RFX6: variants seen among roughly 807,000 people sequenced by gnomAD.
RFX6 encodes the protein regulatory factor X6, also known as DNA-binding protein RFX6.
Under a neutral mutation model 110.8 loss-of-function variants are expected in RFX6, and 50 were observed. The ratio of observed to expected loss-of-function variants is 0.45; its 90% CI spans 0.36 to 0.57. The LOEUF is 0.57. Ranked by LOEUF, RFX6 falls within the 20% of genes least tolerant of loss-of-function variation. The probability of loss-of-function intolerance (pLI) is 0.00; values close to 1 mark genes in which losing one functional copy is unlikely to be tolerated. For missense variants in RFX6, 990 were observed against 1,127.0 expected, an observed-to-expected ratio of 0.88 and a Z score of 1.74; for synonymous variants, 383 against 411.2, an observed-to-expected ratio of 0.93 and a Z score of 0.83.
intron 6 of RFX6, among the ~76,000 whole-genome samples, chr6:116,901,283 C>T (rs899321507): frequency 6.6e-6 from 1 of 152,130 alleles, no homozygotes; most frequent in African/African-American, 2.4e-5. Flanking sequence ...CACTGTATGA[C>T]AGAGAATTAA....
At chr6:116,882,680 C>T (rs1173506059) in intron 4 of RFX6, among the ~76,000 whole-genome samples, 1 of 151,876 alleles carries the variant, frequency 6.6e-6, no homozygotes, top group African/African-American at 2.4e-5. Flanking sequence ...TTTTCATAAT[C>T]TTAAAGCTGT....
At chr6:116,928,718 G>A in intron 17 of RFX6, 41 bp from the exon 18 acceptor site, 2 of 1,437,566 alleles carry the variant, frequency 1.4e-6, no homozygotes, top group East Asian at 2.3e-5. Flanking sequence ...AAAGTTCTTT[G>A]TAGTAAGTTA....
At chr6:116,924,565 G>A (rs879160306) in intron 14 of RFX6, 104 bp from the exon 15 acceptor site, 26 of 1,054,072 alleles carry the variant, frequency 2.5e-5, no homozygotes, top group South Asian at 2.2e-4. Flanking sequence ...AAAGTGTTGC[G>A]AGATGGTCAC....
intron 5 of RFX6, 117 bp from the exon 6 acceptor site, chr6:116,895,063 C>T: frequency 1.8e-5 from 10 of 562,490 alleles, no homozygotes; most frequent in East Asian, 2.9e-5. Flanking sequence ...CAAATTTCTC[C>T]AGCTTATTTC....
chr6:116,895,644 G>GTACA (rs1774927796), intron 6 of RFX6, among the ~76,000 whole-genome samples: 2 of 115,446 alleles, frequency 1.7e-5, no homozygotes, highest in African/African-American at 6.5e-5. Flanking sequence ...ACTACTTTGT[G>GTACA]TACACACACA....
chr6:116,927,130 G>C lies in RFX6; in HGVS notation c.1989G>C (p.Gly663=), dbSNP rs779981290. ...GSVINQGPMA[G]RPPSVGPVLS... Reference sequence around the variant, plus strand: ...TCATTAACCAAGGACCAATGGCAGGGAGGCCCCCAAGTGTGGGCCCAGTAC... The same window carrying C: ...TCATTAACCAAGGACCAATGGCAGGCAGGCCCCCAAGTGTGGGCCCAGTAC... Residue 663 remains glycine, a synonymous_variant, in exon 17 of 19, where the codon GGG becomes GGC. Transcript: ENST00000332958. The C allele has an allele frequency of 1.5e-5, 24 of 1,614,078 alleles. No homozygotes were observed. The highest frequency in any genetic ancestry group is 1.9e-5 in the Non-Finnish European group (23 of 1,179,962).
chr6:116,892,809 A>G (rs1304870279), intron 4 of RFX6, among the ~76,000 whole-genome samples: 6 of 152,192 alleles, frequency 3.9e-5, no homozygotes, highest in Admixed American at 3.9e-4. Context: ...TTCATATGGT[A>G]TGTAGGCTTC....
chr6:116,909,725 T>C (rs1167219499), intron 6 of RFX6, among the ~76,000 whole-genome samples: 1 of 140,330 alleles, frequency 7.1e-6, no homozygotes, highest in Non-Finnish European at 1.5e-5. Flanking sequence ...AATATAAAGC[T>C]CATTTAAATC....
chr6:116,931,781 C>A lies in RFX6; in HGVS notation c.*275C>A, dbSNP rs1005635838. The A allele has an allele frequency of 2.5e-4, 82 of 327,318 alleles. No homozygotes were observed. Among genetic ancestry groups the A allele is most frequent in the Admixed American group, 1.4e-3 (32 of 22,244 alleles). The allele number at this position is 327,318 out of a possible 1,614,324, so 20.3% of individuals were successfully genotyped here. A position where few individuals can be genotyped will look rare whatever the true frequency, so the allele number is the denominator to read the frequency against. ...TGAAGATCTGAAGATGCAAACATTT[C>A]AACTATGAAGATTTACATTTCACTT... On this transcript the variant is annotated 3_prime_UTR_variant, in exon 19 of 19. Transcript: ENST00000332958.
At chr6:116,926,088 G>A (rs1486484685) in intron 16 of RFX6, among the ~76,000 whole-genome samples, 5 of 152,190 alleles carry the variant, frequency 3.3e-5, no homozygotes, top group African/African-American at 9.6e-5. Context: ...AGGCCGAGGC[G>A]AGCAGAGCAC....
Position 116,931,576 on chromosome 6 carries a change from C to A in RFX6, c.*70C>A. The stretch of plus-strand genomic sequence containing the variant: ...TACTGTGCAAATATCATTATTCACT[C>A]AGACTTCCATAAGAGTAAATAAAAA... On this transcript the variant is annotated 3_prime_UTR_variant, in exon 19 of 19. Transcript: ENST00000332958. 8.9e-7 allele frequency: 1 copy of A among 1,123,970 alleles called. No individual in the cohort carries two copies. Among genetic ancestry groups the A allele is most frequent in the Non-Finnish European group, 1.3e-6 (1 of 759,688 alleles). The allele number at this position is 1,123,970 out of a possible 1,614,324, so 69.6% of individuals were successfully genotyped here.
intron 6 of RFX6, among the ~76,000 whole-genome samples, chr6:116,902,146 C>T (rs1775088809): frequency 6.6e-6 from 1 of 151,870 alleles, no homozygotes; most frequent in Non-Finnish European, 1.5e-5. Flanking sequence ...ATATTAAGAA[C>T]ATTTACATAC....
chr6:116,900,675 A>C (rs192471211), intron 6 of RFX6, among the ~76,000 whole-genome samples: 27 of 152,332 alleles, frequency 1.8e-4, no homozygotes, highest in East Asian at 1.5e-3. Context: ...AATAAAATAG[A>C]AAATGCAGAC....
At position 116,877,242 on chromosome 6, in the gene RFX6, G is replaced by C. The variant is rs1317187748; in HGVS notation, c.-34G>C. 1 of 1,542,638 alleles carries C rather than the reference G, an allele frequency of 6.5e-7. No individual in the cohort carries two copies. Among genetic ancestry groups the C allele is most frequent in the Non-Finnish European group, 8.8e-7 (1 of 1,134,978 alleles). On this transcript the variant is annotated 5_prime_UTR_variant, in exon 1 of 19. Coordinates refer to ENST00000332958, the MANE Select transcript of RFX6 (RefSeq NM_173560.4). ...GGGGCTCCGCTGGGGAACCGGCCGA[G>C]CGGCGCGCGCGGAGGTGTCCGGCGG...
chr6:116,911,486 T>C (rs1173617624), intron 7 of RFX6, among the ~76,000 whole-genome samples: 2 of 152,204 alleles, frequency 1.3e-5, no homozygotes, highest in Non-Finnish European at 2.9e-5. Context: ...TAGATGAGCA[T>C]GAACTTTCCT....
rs866689448 is a variant in RFX6 at position 116,928,858 on chromosome 6, C to T, written c.2498C>T (p.Pro833Leu). The change falls in exon 18 of 19, where the codon CCC becomes CTC. Residue 833 changes from proline (P) to leucine (L), a missense_variant. Physicochemically the swap from Pro to Leu is moderately conservative, Grantham distance 98 (BLOSUM62 -3). Transcript: ENST00000332958. ...SVISSIRSLPPYSDIHDPLNI... is the reference protein window; with the variant it reads ...SVISSIRSLPLYSDIHDPLNI... ...ATCAGCAGCATTCGTTCACTGCCCC[C>T]CTACAGTGACATCCACGATCCACTT... The T allele has an allele frequency of 3.1e-6, 5 of 1,612,580 alleles. No homozygotes were observed. The highest frequency in any genetic ancestry group is 1.7e-4 in the Middle Eastern group (1 of 6,058).
chr6:116,930,304 C>T (rs1204545735), intron 18 of RFX6, among the ~76,000 whole-genome samples: 1 of 151,988 alleles, frequency 6.6e-6, no homozygotes, highest in Non-Finnish European at 1.5e-5. Context: ...GTCATGTCAG[C>T]AATAAGAAGG....
chr6:116,915,738 C>T (rs1324483862), intron 7 of RFX6, among the ~76,000 whole-genome samples: 1 of 151,796 alleles, frequency 6.6e-6, no homozygotes, highest in Non-Finnish European at 1.5e-5. Context: ...TTTTAGTAGG[C>T]ATAAAACTAG....
intron 15 of RFX6, 135 bp downstream of exon 15, chr6:116,924,926 A>G (rs1775677806): frequency 1.4e-6 from 1 of 690,472 alleles, no homozygotes; most frequent in Admixed American, 2.2e-5. Flanking sequence ...ACTAATTCTC[A>G]CCATACAGTC....
Sources: gnomAD v4.1 joint callset for allele counts (sites outside exome capture counted in the v4.1 genomes callset) on GRCh38, gnomAD v4.1.1 for gene constraint, MANE v1.5 for transcripts, NCBI Gene and HGNC (gene_info 2026-07-23, HGNC 2026-07-21) for gene names.